Variants in UBE2E2 observed in about 807,000 individuals in gnomAD.
UBE2E2 encodes the protein ubiquitin-conjugating enzyme E2 E2.
UBE2E2 carries 6 observed loss-of-function variants against 24.7 expected under a neutral mutation model. The ratio of observed to expected loss-of-function variants is 0.24; its 90% CI spans 0.13 to 0.48. The LOEUF is 0.48. Ranked by LOEUF, UBE2E2 falls within the 20% of genes least tolerant of loss-of-function variation. The pLI is 0.99. For missense variants in UBE2E2, 169 were observed against 245.0 expected (o/e 0.69, Z 2.07); for synonymous variants, 104 against 83.6 (o/e 1.24, Z -1.33).
At chr3:23,507,456 A>T (rs899816351) in intron 4 of UBE2E2, among the ~76,000 whole-genome samples, 3 of 152,228 alleles carry the variant, frequency 2.0e-5, no homozygotes, top group African/African-American at 7.2e-5. Flanking sequence ...GTAGAACAAT[A>T]CCTGGTGATT....
At chr3:23,438,272 C>G (rs1698225990) in intron 3 of UBE2E2, among the ~76,000 whole-genome samples, 1 of 152,086 alleles carries the variant, frequency 6.6e-6, no homozygotes, top group African/African-American at 2.4e-5. Context: ...GAAAAGATTT[C>G]CTCATGCTGG....
intron 1 of UBE2E2, among the ~76,000 whole-genome samples, chr3:23,206,516 G>C (rs1380504567): frequency 6.6e-6 from 1 of 152,138 alleles, no homozygotes; most frequent in Non-Finnish European, 1.5e-5. Flanking sequence ...CAGCTTTTCC[G>C]TTAGTATGTT....
chr3:23,498,030 C>T (rs1407557654), intron 3 of UBE2E2, among the ~76,000 whole-genome samples: 2 of 152,014 alleles, frequency 1.3e-5, no homozygotes, highest in Non-Finnish European at 1.5e-5. Flanking sequence ...TTCATTTCCC[C>T]GATTTTGATG....
intron 3 of UBE2E2, among the ~76,000 whole-genome samples, chr3:23,491,107 C>G (rs530232181): frequency 6.6e-6 from 1 of 152,100 alleles, no homozygotes; most frequent in African/African-American, 2.4e-5. Context: ...TTTCTATCAG[C>G]GCTATTATAT....
rs554747248 is a variant in UBE2E2, at chr3:23,577,389, ACAGT to A, written c.509-12341_509-12338del. Among the ~76,000 whole-genome samples the A allele has an allele frequency of 1.5e-3, 230 of 152,166 alleles. 1 individual carries two copies. Among genetic ancestry groups the A allele is most frequent in the South Asian group, 3.5e-3 (17 of 4,818 alleles). On this transcript the variant is annotated intron_variant, in intron 5 of 5. Transcript: ENST00000396703. ...GATAGGGATTTAGTGGTCTGGATAG[ACAGT>A]CAGACCAGCTACAACACTCCCTTAA...
At chr3:23,460,533 T>G (rs954432601) in intron 3 of UBE2E2, among the ~76,000 whole-genome samples, 1 of 152,220 alleles carries the variant, frequency 6.6e-6, no homozygotes, top group Admixed American at 6.5e-5. Context: ...GCAGGTAGAC[T>G]CTATATTGAT....
chr3:23,431,606 G>A (rs1698062009), intron 3 of UBE2E2, among the ~76,000 whole-genome samples: 1 of 152,070 alleles, frequency 6.6e-6, no homozygotes, highest in Non-Finnish European at 1.5e-5. Context: ...TGTCTTATAA[G>A]TTGTAAAGTG....
At chr3:23,481,519 T>C (rs1178785960) in intron 3 of UBE2E2, among the ~76,000 whole-genome samples, 4 of 152,256 alleles carry the variant, frequency 2.6e-5, no homozygotes, top group Non-Finnish European at 1.5e-5. Flanking sequence ...GCCTTTTTAA[T>C]GCTTAGTTCA....
intron 3 of UBE2E2, among the ~76,000 whole-genome samples, chr3:23,358,583 CTG>C (rs938323115): frequency 3.9e-5 from 6 of 152,152 alleles, no homozygotes; most frequent in East Asian, 1.9e-4. Flanking sequence ...AAAAAACAAT[CTG>C]AGAATTAAAT....
intron 3 of UBE2E2, among the ~76,000 whole-genome samples, chr3:23,277,463 A>G (rs759211508): frequency 1.4e-4 from 22 of 152,240 alleles, no homozygotes; most frequent in East Asian, 7.7e-4. Flanking sequence ...TGTAAACCTC[A>G]TAGACTATCT....
intron 3 of UBE2E2, among the ~76,000 whole-genome samples, chr3:23,440,612 T>G (rs1370573440): frequency 1.3e-5 from 2 of 152,214 alleles, no homozygotes; most frequent in African/African-American, 4.8e-5. Flanking sequence ...TCTGTCAGGC[T>G]TTGAAATATA....
chr3:23,473,988 A>G (rs766277377), intron 3 of UBE2E2, among the ~76,000 whole-genome samples: 1 of 152,072 alleles, frequency 6.6e-6, no homozygotes. Context: ...ACACATTTCC[A>G]TACTGGTTGT....
At chr3:23,230,444 A>C (rs962849249) in intron 3 of UBE2E2, among the ~76,000 whole-genome samples, 1 of 152,206 alleles carries the variant, frequency 6.6e-6, no homozygotes, top group Non-Finnish European at 1.5e-5. Context: ...TAGAAAACTC[A>C]TAAATAAGGA....
At chr3:23,518,978 A>T (rs142692897) in intron 4 of UBE2E2, among the ~76,000 whole-genome samples, 5 of 152,208 alleles carry the variant, frequency 3.3e-5, no homozygotes, top group Non-Finnish European at 5.9e-5. Flanking sequence ...AACATCATAT[A>T]ACAATCCTGT....
chr3:23,488,168 C>G (rs1049499130), intron 3 of UBE2E2, among the ~76,000 whole-genome samples: 3 of 149,216 alleles, frequency 2.0e-5, no homozygotes, highest in Admixed American at 6.7e-5. Flanking sequence ...AACAACTTGT[C>G]TTGATAATAA....
chr3:23,426,576 A>C (rs1005834078), intron 3 of UBE2E2, among the ~76,000 whole-genome samples: 1 of 152,160 alleles, frequency 6.6e-6, no homozygotes, highest in Non-Finnish European at 1.5e-5. Flanking sequence ...ACAATAAGAG[A>C]GTGAAGTGAA....
intron 3 of UBE2E2, among the ~76,000 whole-genome samples, chr3:23,314,801 T>G (rs1258587645): frequency 1.3e-5 from 2 of 152,230 alleles, no homozygotes; most frequent in Non-Finnish European, 2.9e-5. Context: ...ACGTTTCCAC[T>G]GAAAAGACTG....
chr3:23,342,810 C>T (rs1695434159), intron 3 of UBE2E2, among the ~76,000 whole-genome samples: 1 of 151,986 alleles, frequency 6.6e-6, no homozygotes, highest in Admixed American at 6.6e-5. Context: ...AGTCCTAAAC[C>T]CAAGAATAAA....
intron 3 of UBE2E2, among the ~76,000 whole-genome samples, chr3:23,249,344 A>G (rs1187773851): frequency 1.3e-5 from 2 of 152,196 alleles, no homozygotes; most frequent in Non-Finnish European, 2.9e-5. Flanking sequence ...AGGATTAACA[A>G]GGTCAGCAGA....
Sources: gnomAD v4.1 joint callset for allele counts (sites outside exome capture counted in the v4.1 genomes callset) on GRCh38, gnomAD v4.1.1 for gene constraint, MANE v1.5 for transcripts, NCBI Gene and HGNC (gene_info 2026-07-23, HGNC 2026-07-21) for gene names.